MOV10L1: variants seen among roughly 807,000 people sequenced by gnomAD.
MOV10L1 encodes Mov10 like RNA helicase 1.
MOV10L1 carries 110 observed loss-of-function variants against 143.8 expected under a neutral mutation model. That is an observed-to-expected ratio of 0.76 (90% CI 0.66 to 0.90). The LOEUF is 0.90. Ranked by LOEUF, MOV10L1 falls within the 40% of genes least tolerant of loss-of-function variation. MOV10L1 has a pLI of 0.00. For missense variants in MOV10L1, 1,406 were observed against 1,526.8 expected (o/e 0.92, Z 1.32); for synonymous variants, 593 against 581.1 (o/e 1.02, Z -0.29).
chr22:50,120,502 G>T lies in MOV10L1; in HGVS notation c.1455G>T (p.Arg485Ser). 1 of 1,590,558 alleles carries T rather than the reference G, an allele frequency of 6.3e-7. No individual in the cohort carries two copies. The highest frequency in any genetic ancestry group is 1.3e-5 in the African/African-American group (1 of 74,328). ...KTTVVVTAQKRNSRRQLPSFL... is the reference protein window; with the variant it reads ...KTTVVVTAQKSNSRRQLPSFL... ...TAACTTGTGAACTTAATTTTTTAAG[G>T]AACTCAAGACGACAACTTCCAAGTT... Residue 485 changes from arginine to serine, a missense_variant and splice_region_variant, in exon 10 of 27, where the codon AGG becomes AGT. Physicochemically the swap from Arg to Ser is moderately radical, Grantham distance 110 (BLOSUM62 -1). Around this residue, in one of 3 missense-constraint regions of MOV10L1, gnomAD observed 1,233 missense variants for 1,351.4 expected, o/e 0.91. Coordinates refer to ENST00000262794, the MANE Select transcript of MOV10L1 (RefSeq NM_018995.3).
In MOV10L1 at chr22:50,143,029, C is replaced by T; in HGVS notation, c.2180-14C>T. 3 of 1,611,216 alleles carry T rather than the reference C, an allele frequency of 1.9e-6. No individual in the cohort carries two copies. In the African/African-American group the frequency reaches 4.0e-5, roughly 22 times the overall value. On this transcript the variant is annotated splice_polypyrimidine_tract_variant and intron_variant, in intron 16 of 26. Transcript: ENST00000262794. ...GTTTGCATCTAACTGAAACTTTCTT[C>T]ACTTTGAATACAGTAGATGAAATTC...
At chr22:50,157,182 T>C (rs939128713) in intron 22 of MOV10L1, among the ~76,000 whole-genome samples, 2 of 152,236 alleles carry the variant, frequency 1.3e-5, no homozygotes. Context: ...TTTGCCCATA[T>C]TTAATTGGGT....
chr22:50,095,177 T>C (rs2062557552), intron 2 of MOV10L1: 1 of 152,232 alleles, frequency 6.6e-6, no homozygotes, highest in South Asian at 2.1e-4. Flanking sequence ...GAATGCAAAG[T>C]AGAAGAGCCT....
rs772183181 is a variant in MOV10L1 at position 50,150,793 on chromosome 22, T to G, written c.2786T>G (p.Met929Arg). ...CCAGTCATTAAGTCCAGACTCGCCATGGCCTATGGGCTGAACGTGTCCTTT... is the reference window on the plus strand; with the variant it reads ...CCAGTCATTAAGTCCAGACTCGCCAGGGCCTATGGGCTGAACGTGTCCTTT... ...LGPVIKSRLA[M>R]AYGLNVSFLE... is the part of the protein sequence containing the mutation. Residue 929 changes from methionine to arginine, a missense_variant, in exon 21 of 27, where the codon ATG (methionine) becomes AGG (arginine). This residue lies in a region of MOV10L1 where 1,233 missense variants were observed against 1,351.4 expected (regional missense o/e 0.91). Coordinates refer to ENST00000262794, the MANE Select transcript of MOV10L1 (RefSeq NM_018995.3). The G allele has an allele frequency of 6.2e-7, 1 of 1,614,216 alleles. No individual in the cohort carries two copies. The highest frequency in any genetic ancestry group is 8.5e-7 in the Non-Finnish European group (1 of 1,180,030).
intron 3 of MOV10L1, among the ~76,000 whole-genome samples, chr22:50,104,778 G>A (rs2061827810): frequency 6.6e-6 from 1 of 151,774 alleles, no homozygotes. Context: ...TGTATATTTT[G>A]CAATATGATC....
intron 13 of MOV10L1, among the ~76,000 whole-genome samples, chr22:50,131,960 G>T (rs1569307650): frequency 6.6e-6 from 1 of 152,204 alleles, no homozygotes; most frequent in Non-Finnish European, 1.5e-5. Context: ...GCACCAGCAG[G>T]TTCAGTGTCC....
chr22:50,092,944 AG>A (rs2062490847), intron 2 of MOV10L1: 1 of 152,158 alleles, frequency 6.6e-6, no homozygotes, highest in Admixed American at 6.5e-5. Context: ...TCTGTCGCCC[AG>A]GCTGGAGTGC....
intron 3 of MOV10L1, among the ~76,000 whole-genome samples, chr22:50,104,222 A>G (rs559799791): frequency 4.6e-5 from 7 of 152,220 alleles, no homozygotes; most frequent in Non-Finnish European, 1.0e-4. Context: ...GGCTGCAAAT[A>G]TAGATGAAAC....
At chr22:50,161,256 C>T in intron 26 of MOV10L1, 112 bp from the exon 27 acceptor site, 1 of 1,048,166 alleles carries the variant, frequency 9.5e-7, no homozygotes, top group Middle Eastern at 2.1e-4. Flanking sequence ...CCCACATAGG[C>T]TAACAGGGTA....
At chr22:50,136,825 C>A (rs1324290383) in intron 15 of MOV10L1, among the ~76,000 whole-genome samples, 1 of 152,176 alleles carries the variant, frequency 6.6e-6, no homozygotes, top group African/African-American at 2.4e-5. Context: ...GGAAAAGAAC[C>A]AGCTGGAAGG....
At chr22:50,155,764 G>A (rs780785720) in intron 22 of MOV10L1, among the ~76,000 whole-genome samples, 18 of 152,218 alleles carry the variant, frequency 1.2e-4, no homozygotes, top group Admixed American at 2.6e-4. Flanking sequence ...GTGAGCCACC[G>A]CACCCCGCCT....
chr22:50,115,233 A>T lies in MOV10L1; in HGVS notation c.1246A>T (p.Ile416Phe). The T allele has an allele frequency of 6.6e-7, 1 of 1,524,596 alleles. No homozygotes were observed. The highest frequency in any genetic ancestry group is 1.3e-5 in the South Asian group (1 of 76,428). The allele number at this position is 1,524,596 out of a possible 1,614,324, so 94.4% of individuals were successfully genotyped here. A position where few individuals can be genotyped will look rare whatever the true frequency, so the allele number is the denominator to read the frequency against. ...AGGGGGAAAAACCTTCATTGTGGTC[A>T]TCTGTGACGGAAAGTAAGGGCCTGG... ...PPGGKTFIVV[I>F]CDGKNPGRCK... is the part of the protein sequence containing the mutation. Residue 416 changes from isoleucine (I) to phenylalanine (F), a missense_variant, in exon 8 of 27, where the codon ATC becomes TTC. Ile to Phe is a conservative substitution (Grantham distance 21). This residue lies in a region of MOV10L1 where 1,233 missense variants were observed against 1,351.4 expected (regional missense o/e 0.91). Coordinates refer to ENST00000262794, the MANE Select transcript of MOV10L1 (RefSeq NM_018995.3).
At chr22:50,144,727 A>G (rs1047087465) in intron 18 of MOV10L1, among the ~76,000 whole-genome samples, 83 of 148,888 alleles carry the variant, frequency 5.6e-4, no homozygotes, top group Non-Finnish European at 9.3e-4. Flanking sequence ...GACTACAGGC[A>G]CCCGCCACTG....
chr22:50,090,872 C>T (rs1299485630), intron 1 of MOV10L1: 3 of 276,362 alleles, frequency 1.1e-5, no homozygotes, highest in Admixed American at 4.8e-5. Context: ...AGGGGGGGTT[C>T]GCCATGTTGG....
intron 19 of MOV10L1, among the ~76,000 whole-genome samples, chr22:50,147,682 G>C (rs1653236620): frequency 6.6e-6 from 1 of 152,238 alleles, no homozygotes; most frequent in African/African-American, 2.4e-5. Context: ...GCACTTCAAA[G>C]GGCAAAGAAG....
intron 15 of MOV10L1, among the ~76,000 whole-genome samples, chr22:50,135,021 C>A (rs532332762): frequency 1.3e-5 from 2 of 148,178 alleles, no homozygotes; most frequent in South Asian, 4.3e-4. Context: ...TCTTTTCTTT[C>A]TTTTTTTTTT....
At chr22:50,147,166 G>A (rs4838851) in intron 19 of MOV10L1, 35,384 of 976,084 alleles carry the variant, frequency 0.036, 2,341 homozygotes, top group Middle Eastern at 0.089. Context: ...GGAGGAGGTG[G>A]CCGGCCAGGG....
chr22:50,148,403 C>T (rs749470664), intron 19 of MOV10L1, among the ~76,000 whole-genome samples: 4 of 152,190 alleles, frequency 2.6e-5, no homozygotes, highest in African/African-American at 9.6e-5. Flanking sequence ...TCCTGCTCTC[C>T]GCTCAGTCCC....
chr22:50,117,161 C>A lies in MOV10L1; in HGVS notation c.1264C>A (p.Pro422Thr), dbSNP rs774595472. 6 of 1,588,980 alleles carry A rather than the reference C, an allele frequency of 3.8e-6. No homozygotes were observed. Among genetic ancestry groups the A allele is most frequent in the Non-Finnish European group, 5.1e-6 (6 of 1,168,918 alleles). The stretch of plus-strand genomic sequence containing the variant: ...TTTCATTTTGTTTTTTTCAAGAAAT[C>A]CTGGCCGCTGCAAGGAGCTCCTTTT... ...FIVVICDGKN[P>T]GRCKELLLLC... The change falls in exon 9 of 27, where the codon CCT becomes ACT. Residue 422 changes from proline (P) to threonine (T), a missense_variant. By Grantham distance (38) the Pro-to-Thr change is conservative. This residue lies in a region of MOV10L1 where 1,233 missense variants were observed against 1,351.4 expected (regional missense o/e 0.91). Coordinates refer to ENST00000262794, the MANE Select transcript of MOV10L1 (RefSeq NM_018995.3).
Sources: allele counts gnomAD v4.1 joint callset (sites outside exome capture counted in the v4.1 genomes callset), GRCh38; gene constraint gnomAD v4.1.1; regional missense constraint gnomAD v4.1.1; transcripts MANE v1.5; gene names NCBI Gene and HGNC (gene_info 2026-07-23, HGNC 2026-07-21).